Variants in DIP2C observed in about 807,000 individuals in gnomAD.
DIP2C encodes DIP2 acetate--CoA ligase C (putative).
DIP2C carries 33 observed loss-of-function variants against 192.4 expected under a neutral mutation model. The ratio of observed to expected loss-of-function variants is 0.17; its 90% confidence interval spans 0.13 to 0.23. The LOEUF (loss-of-function observed/expected upper bound fraction) is 0.23. DIP2C is among the 10% of genes least tolerant of loss of function. The pLI is 1.00. For missense variants in DIP2C, 1,537 were observed against 2,110.1 expected (o/e 0.73, Z 5.32); for synonymous variants, 979 against 864.1 (o/e 1.13, Z -2.33).
chr10:470,255 A>T (rs1487550386), intron 3 of DIP2C, among the ~76,000 whole-genome samples: 1 of 152,162 alleles, frequency 6.6e-6, no homozygotes, highest in Non-Finnish European at 1.5e-5. Context: ...GGGGAACGGG[A>T]GAGATTGTGT....
chr10:541,810 A>AC (rs1241516904), intron 1 of DIP2C, among the ~76,000 whole-genome samples: 1 of 151,760 alleles, frequency 6.6e-6, no homozygotes, highest in South Asian at 2.1e-4. Flanking sequence ...TCTCTCCTAG[A>AC]CCCCACAGCA....
intron 1 of DIP2C, among the ~76,000 whole-genome samples, chr10:604,666 A>C (rs1210416257): frequency 1.3e-5 from 2 of 152,252 alleles, no homozygotes; most frequent in Non-Finnish European, 2.9e-5. Context: ...GTTTTTATCC[A>C]AAAAGTTCTC....
In DIP2C at chr10:399,482, C is replaced by T. The variant is rs533204968; in HGVS notation, c.1150-263G>A. Reference sequence around the variant, plus strand: ...TTCTGCATACTACCTTCCATACCCACACGTTTCCACATAGATGAAGTTATA... The same window carrying T: ...TTCTGCATACTACCTTCCATACCCATACGTTTCCACATAGATGAAGTTATA... On this transcript the variant is annotated intron_variant, in intron 9 of 36. Coordinates refer to ENST00000280886, the MANE Select transcript of DIP2C (RefSeq NM_014974.3). Among the ~76,000 whole-genome samples, 400 of 152,298 alleles carry T rather than the reference C, an allele frequency of 2.6e-3. 1 individual carries two copies. Among genetic ancestry groups the T allele is most frequent in the Middle Eastern group, 0.014 (4 of 294 alleles).
At chr10:587,051 C>G (rs373847157) in intron 1 of DIP2C, among the ~76,000 whole-genome samples, 18 of 141,786 alleles carry the variant, frequency 1.3e-4, no homozygotes, top group African/African-American at 4.7e-4. Flanking sequence ...CTGCTGACAG[C>G]GTGGCGAGGG....
At chr10:393,811 AAG>A (rs1963706925) in intron 10 of DIP2C, among the ~76,000 whole-genome samples, 2 of 149,328 alleles carry the variant, frequency 1.3e-5, no homozygotes, top group African/African-American at 5.0e-5. Context: ...AAAAAAGAAA[AAG>A]AAAAAGGAAA....
intron 1 of DIP2C, among the ~76,000 whole-genome samples, chr10:510,304 C>T (rs542187741): frequency 4.6e-5 from 7 of 152,314 alleles, no homozygotes; most frequent in South Asian, 2.1e-4. Flanking sequence ...CACACCTTGC[C>T]GTCTCCAAGA....
At chr10:522,909 C>G (rs900382539) in intron 1 of DIP2C, among the ~76,000 whole-genome samples, 2 of 151,926 alleles carry the variant, frequency 1.3e-5, no homozygotes, top group East Asian at 1.9e-4. Context: ...TCGTTTCTAC[C>G]TGAGCAAAGG....
At chr10:375,534 G>A (rs1001520598) in intron 17 of DIP2C, among the ~76,000 whole-genome samples, 24 of 152,174 alleles carry the variant, frequency 1.6e-4, no homozygotes, top group Non-Finnish European at 2.1e-4. Flanking sequence ...GTGGCCTCAC[G>A]AGGAATGTAC....
intron 1 of DIP2C, among the ~76,000 whole-genome samples, chr10:563,977 C>A (rs1477077301): frequency 6.6e-6 from 1 of 152,202 alleles, no homozygotes; most frequent in Non-Finnish European, 1.5e-5. Context: ...GAATTAAAGT[C>A]TGTGAATAAT....
intron 1 of DIP2C, among the ~76,000 whole-genome samples, chr10:605,634 C>T (rs1230671495): frequency 2.6e-5 from 4 of 152,176 alleles, no homozygotes; most frequent in Admixed American, 1.3e-4. Context: ...AGAACAGATT[C>T]CTGACGCCTG....
chr10:412,961 T>C (rs1489709209), intron 8 of DIP2C, among the ~76,000 whole-genome samples: 3 of 152,236 alleles, frequency 2.0e-5, no homozygotes, highest in African/African-American at 4.8e-5. Flanking sequence ...GTCCTTCAGT[T>C]ATTTTCGTAT....
chr10:671,799 GGCCACAGACGCACGGACGGAGGAAAC>G (rs1830657364), intron 1 of DIP2C, among the ~76,000 whole-genome samples: 12 of 88,526 alleles, frequency 1.4e-4, no homozygotes, highest in Non-Finnish European at 9.1e-5. Context: ...GGAGGAAACA[GGCCACAGACGCACGGACGGAGGAAAC>G]GCCACAGACG....
At chr10:280,230 T>G (rs1324700197) in intron 36 of DIP2C, among the ~76,000 whole-genome samples, 3 of 152,186 alleles carry the variant, frequency 2.0e-5, no homozygotes, top group African/African-American at 7.2e-5. Context: ...CAAATGGCAG[T>G]AAGTACCAGC....
chr10:522,536 T>C (rs1306100644), intron 1 of DIP2C, among the ~76,000 whole-genome samples: 1 of 152,238 alleles, frequency 6.6e-6, no homozygotes, highest in Non-Finnish European at 1.5e-5. Flanking sequence ...AGGGTCCTGA[T>C]GCCCCACACG....
chr10:367,245 G>A (rs529934163), intron 18 of DIP2C, among the ~76,000 whole-genome samples: 15 of 152,118 alleles, frequency 9.9e-5, no homozygotes, highest in Middle Eastern at 3.4e-3. Flanking sequence ...GTGAAACCCC[G>A]TCTCTACTAA....
chr10:569,807 A>G (rs896855433), intron 1 of DIP2C, among the ~76,000 whole-genome samples: 9 of 152,166 alleles, frequency 5.9e-5, no homozygotes, highest in Admixed American at 5.2e-4. Context: ...CCACAAGGAC[A>G]TGGCAACCAT....
chr10:683,716 C>T (rs1831212989), intron 1 of DIP2C, among the ~76,000 whole-genome samples: 1 of 152,126 alleles, frequency 6.6e-6, no homozygotes, highest in African/African-American at 2.4e-5. Context: ...CTGACGGGGC[C>T]CTGGGCTGGT....
chr10:600,315 A>G (rs1851974129), intron 1 of DIP2C, among the ~76,000 whole-genome samples: 1 of 152,130 alleles, frequency 6.6e-6, no homozygotes, highest in Non-Finnish European at 1.5e-5. Flanking sequence ...GCCTCAGCAC[A>G]ACCTCCCACT....
intron 32 of DIP2C, among the ~76,000 whole-genome samples, chr10:304,665 A>T (rs985610072): frequency 6.9e-6 from 1 of 144,188 alleles, no homozygotes; most frequent in African/African-American, 2.6e-5. Flanking sequence ...TGCACATGCA[A>T]CACACACACA....
Sources: gnomAD v4.1 joint callset for allele counts (sites outside exome capture counted in the v4.1 genomes callset) on GRCh38, gnomAD v4.1.1 for gene constraint, MANE v1.5 for transcripts, NCBI Gene and HGNC (gene_info 2026-07-23, HGNC 2026-07-21) for gene names.